Variants in HP observed in about 807,000 individuals in gnomAD.
HP encodes haptoglobin alpha(1S)-beta.
In HP, 9 loss-of-function variants were observed where a neutral mutation model predicts 23.2. The observed-to-expected ratio is 0.39, with a 90% confidence interval of 0.23 to 0.68. The LOEUF (loss-of-function observed/expected upper bound fraction) is 0.68, where lower values mean the gene tolerates loss of function less well. Among genes scored for constraint, HP ranks in the 30% least tolerant of loss-of-function variants. The pLI, the probability that HP is intolerant of heterozygous loss-of-function variation, is 0.47. For synonymous variants in HP, 155 were observed against 183.3 expected (o/e 0.85, Z 1.25); for missense variants, 433 against 483.6 (o/e 0.90, Z 0.98).
At position 72,054,555 on chromosome 16, in the gene HP, T is replaced by C. The variant is rs556663121; in HGVS notation, c.-98T>C. ...GGGCCAAAGTTTGTAGACACAGGAA[T>C]TACGAAATGGAGAAGGGGGAGAAGT... On this transcript the variant is annotated 5_prime_UTR_variant, in exon 1 of 7. Transcript: ENST00000355906. 3.0e-5 allele frequency: 48 copies of C among 1,580,234 alleles called. No individual in the cohort carries two copies. In the African/African-American group the frequency reaches 6.1e-4, roughly 20 times the overall value.
rs749126457 is a variant in HP, at chr16:72,057,599, CT to C, written c.265+134del. 3.1e-5 allele frequency: 18 copies of C among 582,562 alleles called. 4 individuals are homozygous for C. The highest frequency in any genetic ancestry group is 7.1e-5 in the African/African-American group (3 of 41,972). 36.1% of individuals were successfully genotyped at this position (582,562 alleles called of 1,614,324 possible). On this transcript the variant is annotated intron_variant, in intron 4 of 6. Transcript: ENST00000355906. ...GAGGAGGGATGTGGGAGAACCGCAG[CT>C]GGCCAGGGAGAGACTTAAGCAGTTA...
chr16:72,060,579 G>A lies in HP; in HGVS notation c.910G>A (p.Ala304Thr). ...DHLKYVMLPV[A>T]DQDQCIRHYE... Reference sequence around the variant, plus strand: ...TCTGAAGTATGTCATGCTGCCTGTGGCTGACCAAGACCAATGCATAAGGCA... The same window carrying A: ...TCTGAAGTATGTCATGCTGCCTGTGACTGACCAAGACCAATGCATAAGGCA... The change falls in exon 7 of 7, where the codon GCT becomes ACT. Residue 304 changes from alanine to threonine, a missense_variant. By Grantham distance (58) the Ala-to-Thr change is moderately conservative. Around this residue, in one of 3 missense-constraint regions of HP, gnomAD observed 326 missense variants for 358.1 expected, o/e 0.91. Transcript: ENST00000355906. 6.2e-7 allele frequency: 1 copy of A among 1,614,136 alleles called. No individual in the cohort carries two copies. The highest frequency in any genetic ancestry group is 8.5e-7 in the Non-Finnish European group (1 of 1,180,034).
rs940027049 is a variant in HP at position 72,060,832 on chromosome 16, T to C, written c.1163T>C (p.Val388Ala). 7.4e-6 allele frequency: 12 copies of C among 1,612,826 alleles called. No homozygotes were observed. In the African/African-American group the frequency reaches 1.3e-4, roughly 18 times the overall value. The change falls in exon 7 of 7, where the codon GTG becomes GCG. Residue 388 changes from valine to alanine, a missense_variant. Val to Ala is a moderately conservative substitution (Grantham distance 64). This residue lies in a region of HP where 326 missense variants were observed against 358.1 expected (regional missense o/e 0.91). Coordinates refer to ENST00000355906, the MANE Select transcript of HP (RefSeq NM_005143.5). ...AGCTGTGCTGTGGCTGAGTATGGTG[T>C]GTATGTGAAGGTGACTTCCATCCAG... is the stretch of plus-strand genomic sequence containing the variant. Reference protein sequence around the residue: ...DKSCAVAEYGVYVKVTSIQDW... With the variant: ...DKSCAVAEYGAYVKVTSIQDW...
intron 5 of HP, 107 bp from the exon 6 acceptor site, chr16:72,059,007 G>T (rs1442325707): frequency 6.7e-6 from 8 of 1,185,974 alleles, no homozygotes; most frequent in Admixed American, 3.9e-5. Context: ...CTTCCTTTTT[G>T]TCCCCTTTTC....
intron 1 of HP, 84 bp from the exon 2 acceptor site, chr16:72,056,077 G>T: frequency 3.3e-6 from 5 of 1,504,716 alleles, no homozygotes; most frequent in Non-Finnish European, 4.6e-6. Context: ...GTGTGTGTGT[G>T]TACATGCATG....
At position 72,059,775 on chromosome 16, in the gene HP, C is replaced by A. The variant is rs2144047627; in HGVS notation, c.443-337C>A. The A allele has an allele frequency of 1.3e-5, 6 of 453,346 alleles. No individual in the cohort carries two copies. In the East Asian group the frequency reaches 2.2e-4, roughly 17 times the overall value. 28.1% of individuals were successfully genotyped at this position (453,346 alleles called of 1,614,324 possible). A position where few individuals can be genotyped will look rare whatever the true frequency, so the allele number is the denominator to read the frequency against. Reference sequence around the variant, plus strand: ...GAGAATGAATTATTGTAGCCCCTAGCCCTTTCAATGAATTTCAGGGAATTG... The same window carrying A: ...GAGAATGAATTATTGTAGCCCCTAGACCTTTCAATGAATTTCAGGGAATTG... On this transcript the variant is annotated intron_variant, in intron 6 of 6. Transcript: ENST00000355906.
chr16:72,055,991 TG>T, intron 1 of HP, 169 bp from the exon 2 acceptor site: 1 of 1,208,936 alleles, frequency 8.3e-7, no homozygotes, highest in Non-Finnish European at 1.2e-6. Context: ...GGCAATTTCT[TG>T]GTCCTAGCAC....
intron 2 of HP, 125 bp downstream of exon 2, chr16:72,056,368 T>A: frequency 6.4e-7 from 1 of 1,560,294 alleles, no homozygotes; most frequent in Non-Finnish European, 8.7e-7. Flanking sequence ...ATAAAGAACA[T>A]TGGGGTTCCT....
At chr16:72,057,676 GGGCACTGGCTGAATCCACTGTC>G (rs1348499467) in intron 4 of HP, 1 of 610,884 alleles carries the variant, frequency 1.6e-6, no homozygotes, top group East Asian at 3.3e-5. Context: ...GGGGCCTGAA[GGGCACTGGCTGAATCCACTGTC>G]GGCACTGCCC....
At chr16:72,060,009 T>C in intron 6 of HP, 103 bp from the exon 7 acceptor site, 1 of 1,558,238 alleles carries the variant, frequency 6.4e-7, no homozygotes, top group Admixed American at 1.9e-5. Context: ...TTTAAATCTT[T>C]CTACTTTACG....
At chr16:72,055,946 C>T in intron 1 of HP, 1 of 807,476 alleles carries the variant, frequency 1.2e-6, no homozygotes, top group Non-Finnish European at 2.0e-6. Flanking sequence ...TTGGTATGCT[C>T]AGAAGCTGCT....
At chr16:72,058,812 T>C in intron 5 of HP, 1 of 463,256 alleles carries the variant, frequency 2.2e-6, no homozygotes, top group Non-Finnish European at 3.9e-6. Context: ...TTGAGTATCT[T>C]GCCCAAATTC....
Position 72,060,895 on chromosome 16 carries a change from A to C in HP, c.*5A>C. On this transcript the variant is annotated 3_prime_UTR_variant, in exon 7 of 7. Coordinates refer to ENST00000355906, the MANE Select transcript of HP (RefSeq NM_005143.5). ...AAGACCATAGCTGAGAACTAATGCA[A>C]GGCTGGCCGGAAGCCCTTGCCTGAA... 6.4e-7 allele frequency: 1 copy of C among 1,561,452 alleles called. No homozygotes were observed. The highest frequency in any genetic ancestry group is 1.2e-5 in the South Asian group (1 of 81,494).
Position 72,060,518 on chromosome 16 carries a change from C to T in HP, c.849C>T (p.Gly283=). 6.2e-7 allele frequency: 1 copy of T among 1,614,130 alleles called. No homozygotes were observed. Among genetic ancestry groups the T allele is most frequent in the Non-Finnish European group, 8.5e-7 (1 of 1,180,024 alleles). Residue 283 remains glycine, a synonymous_variant, in exon 7 of 7, where the codon GGC becomes GGT. Coordinates refer to ENST00000355906, the MANE Select transcript of HP (RefSeq NM_005143.5). The stretch of plus-strand genomic sequence containing the variant: ...TAGGGCGTGTGGGTTATGTTTCTGG[C>T]TGGGGGCGAAATGCCAATTTTAAAT... ...AEVGRVGYVS[G]WGRNANFKFT... is the part of the protein sequence containing the mutation.
chr16:72,056,060 T>C lies in HP; in HGVS notation c.6-101T>C, dbSNP rs1179750986. 8.5e-6 allele frequency: 4 copies of C among 469,266 alleles called. No individual in the cohort carries two copies. The South Asian group carries it at 2.3e-4, about 27-fold the overall frequency. 29.1% of individuals were successfully genotyped at this position (469,266 alleles called of 1,614,324 possible). A position where few individuals can be genotyped will look rare whatever the true frequency, so the allele number is the denominator to read the frequency against. On this transcript the variant is annotated intron_variant, in intron 1 of 6. Transcript: ENST00000355906. ...AGTGGGAGGAGTGTGTGTGTATGCATGTGTGTGTGTGTGTGTGTACATGCA... is the reference window on the plus strand; with the variant it reads ...AGTGGGAGGAGTGTGTGTGTATGCACGTGTGTGTGTGTGTGTGTACATGCA...
chr16:72,057,276 C>T lies in HP; in HGVS notation c.191-116C>T, dbSNP rs1442385049. 10 of 944,920 alleles carry T rather than the reference C, an allele frequency of 1.1e-5. 2 individuals are homozygous for T. Among genetic ancestry groups the T allele is most frequent in the African/African-American group, 1.7e-5 (1 of 59,220 alleles). The allele number at this position is 944,920 out of a possible 1,614,324, so 58.5% of individuals were successfully genotyped here. On this transcript the variant is annotated intron_variant, in intron 3 of 6. Transcript: ENST00000355906. Reference sequence around the variant, plus strand: ...TCATATTCTCTCTCCTTTCTCCCTTCCTGTCTGCCTCCTTTCTTCTTCTTC... The same window carrying T: ...TCATATTCTCTCTCCTTTCTCCCTTTCTGTCTGCCTCCTTTCTTCTTCTTC...
rs1357309770 is a variant in HP, at chr16:72,056,164, C to G, written c.9C>G (p.Ala3=). 1 of 1,613,830 alleles carries G rather than the reference C, an allele frequency of 6.2e-7. No homozygotes were observed. The highest frequency in any genetic ancestry group is 8.5e-7 in the Non-Finnish European group (1 of 1,179,918). ...CCTCCTTGTCTTCTCTCTGCAGTGCCCTGGGAGCTGTCATTGCCCTCCTGC... is the reference window on the plus strand; with the variant it reads ...CCTCCTTGTCTTCTCTCTGCAGTGCGCTGGGAGCTGTCATTGCCCTCCTGC... The part of the protein sequence containing the change: MS[A]LGAVIALLLW... The change falls in exon 2 of 7, where the codon GCC becomes GCG. Residue 3 remains alanine, a synonymous_variant. Transcript: ENST00000355906.
intron 1 of HP, chr16:72,055,662 T>C (rs1223560264): frequency 5.3e-6 from 1 of 189,412 alleles, no homozygotes; most frequent in Non-Finnish European, 1.1e-5. Context: ...TTTAAAATTA[T>C]ATATTTAAGG....
rs970283792 is a variant in HP, at chr16:72,054,773, T to C, written c.5+116T>C. ...AGAAACGGGCAAATGGGCTAAATTATAGTGAACCAAAGGGCTTAGTGTGTT... is the reference window on the plus strand; with the variant it reads ...AGAAACGGGCAAATGGGCTAAATTACAGTGAACCAAAGGGCTTAGTGTGTT... On this transcript the variant is annotated intron_variant, in intron 1 of 6. Transcript: ENST00000355906. 4.1e-5 allele frequency: 64 copies of C among 1,557,612 alleles called. No homozygotes were observed. The Admixed American group carries it at 1.0e-3, about 25-fold the overall frequency.
Sources: gnomAD v4.1 joint callset for allele counts on GRCh38, gnomAD v4.1.1 for gene constraint, gnomAD v4.1.1 regional missense constraint, MANE v1.5 for transcripts, NCBI Gene and HGNC (gene_info 2026-07-23, HGNC 2026-07-21) for gene names.